Variants in LRRTM4 observed in about 807,000 individuals in gnomAD.
The protein encoded by LRRTM4 is leucine rich repeat transmembrane neuronal 4.
A neutral mutation model predicts 47.6 loss-of-function variants in LRRTM4; 25 were observed. The observed-to-expected ratio is 0.53, with a 90% confidence interval of 0.38 to 0.73. LRRTM4 has a LOEUF of 0.73. Ranked by LOEUF, LRRTM4 falls within the 30% of genes least tolerant of loss-of-function variation. LRRTM4 has a pLI of 0.00. For missense variants in LRRTM4, 638 were observed against 713.4 expected (o/e 0.89, Z 1.20); for synonymous variants, 311 against 269.5 (o/e 1.15, Z -1.51).
intron 3 of LRRTM4, among the ~76,000 whole-genome samples, chr2:77,425,152 C>CT (rs1183719069): frequency 6.8e-6 from 1 of 146,474 alleles, no homozygotes; most frequent in Non-Finnish European, 1.5e-5. Context: ...AGTTTTTCTT[C>CT]TATATTTTAT....
chr2:76,953,194 A>G (rs1178552060), intron 3 of LRRTM4, among the ~76,000 whole-genome samples: 1 of 151,892 alleles, frequency 6.6e-6, no homozygotes, highest in Admixed American at 6.6e-5. Context: ...ATACCTGGAA[A>G]AAAAGAAAAA....
At chr2:77,278,593 C>T (rs1676428290) in intron 3 of LRRTM4, among the ~76,000 whole-genome samples, 1 of 151,578 alleles carries the variant, frequency 6.6e-6, no homozygotes, top group Non-Finnish European at 1.5e-5. Context: ...GAAGAATTGG[C>T]AAGAAAAATT....
intron 3 of LRRTM4, among the ~76,000 whole-genome samples, chr2:77,457,459 A>G (rs1377366358): frequency 6.6e-6 from 1 of 152,048 alleles, no homozygotes; most frequent in African/African-American, 2.4e-5. Context: ...CAGATGGGCT[A>G]CAAGAGAACT....
chr2:77,169,119 T>C (rs953414564), intron 3 of LRRTM4, among the ~76,000 whole-genome samples: 4 of 152,118 alleles, frequency 2.6e-5, no homozygotes, highest in Admixed American at 6.6e-5. Context: ...GCAGCTAAAA[T>C]ATTAAATGGG....
At chr2:77,362,137 G>GAAAAGAAAGAAAGAAAGA (rs199907455) in intron 3 of LRRTM4, among the ~76,000 whole-genome samples, 1 of 131,336 alleles carries the variant, frequency 7.6e-6, no homozygotes, top group Non-Finnish European at 1.7e-5. Context: ...AAGAAAGAAA[G>GAAAAGAAAGAAAGAAAGA]AAAGAAAGAA....
At chr2:77,201,861 T>A (rs538833361) in intron 3 of LRRTM4, among the ~76,000 whole-genome samples, 1 of 152,262 alleles carries the variant, frequency 6.6e-6, no homozygotes, top group Admixed American at 6.5e-5. Context: ...TGATTTTTCA[T>A]AATGCTTCTT....
intron 3 of LRRTM4, among the ~76,000 whole-genome samples, chr2:77,413,392 A>G (rs1674514744): frequency 6.8e-6 from 1 of 147,858 alleles, no homozygotes; most frequent in Admixed American, 6.6e-5. Flanking sequence ...TAGCTGTAGC[A>G]GTCCCAACCT....
At chr2:77,444,958 C>CACACACACACAA (rs1558746637) in intron 3 of LRRTM4, among the ~76,000 whole-genome samples, 4 of 143,836 alleles carry the variant, frequency 2.8e-5, no homozygotes, top group African/African-American at 1.1e-4. Context: ...CATACACACA[C>CACACACACACAA]ACACACACAC....
chr2:77,146,683 A>G lies in LRRTM4; in HGVS notation c.1551+371635T>C, dbSNP rs559010092. Among the ~76,000 whole-genome samples, 3 of 152,312 alleles carry G rather than the reference A, an allele frequency of 2.0e-5. No homozygotes were observed. The East Asian group carries it at 5.8e-4, about 29-fold the overall frequency. On this transcript the variant is annotated intron_variant, in intron 3 of 3. Coordinates refer to ENST00000409884, the MANE Select transcript of LRRTM4 (RefSeq NM_001134745.3). Reference sequence around the variant, plus strand: ...GAAATGCAGATATTCCAGAAAATTAAACATATGTTTCACTAACATTTTGCT... The same window carrying G: ...GAAATGCAGATATTCCAGAAAATTAGACATATGTTTCACTAACATTTTGCT...
At chr2:77,145,156 C>T (rs1411246957) in intron 3 of LRRTM4, among the ~76,000 whole-genome samples, 2 of 151,094 alleles carry the variant, frequency 1.3e-5, no homozygotes, top group African/African-American at 4.9e-5. Flanking sequence ...CACATTTATA[C>T]AAGGAAAAAC....
At chr2:77,198,888 A>C (rs1256047989) in intron 3 of LRRTM4, among the ~76,000 whole-genome samples, 1 of 152,216 alleles carries the variant, frequency 6.6e-6, no homozygotes, top group East Asian at 1.9e-4. Flanking sequence ...TGCATATATT[A>C]TTTTCTTATT....
chr2:76,866,924 A>G (rs1672485804), intron 3 of LRRTM4, among the ~76,000 whole-genome samples: 1 of 152,238 alleles, frequency 6.6e-6, no homozygotes, highest in African/African-American at 2.4e-5. Context: ...TTGCAGGGAC[A>G]TGGATGAAGC....
rs1482009926 is a variant in LRRTM4, at chr2:77,329,318, T to C, written c.1551+189000A>G. ...ATTCAGCAGATATTTAGTGAATGCC[T>C]AATGTGTGCTGGGCTAGGAATCCTT... is the stretch of plus-strand genomic sequence containing the variant. On this transcript the variant is annotated intron_variant, in intron 3 of 3. Transcript: ENST00000409884. Among the ~76,000 whole-genome samples, 2 of 152,322 alleles carry C rather than the reference T, an allele frequency of 1.3e-5. 1 individual carries two copies. Among genetic ancestry groups the C allele is most frequent in the Middle Eastern group, 6.8e-3 (2 of 294 alleles).
intron 3 of LRRTM4, among the ~76,000 whole-genome samples, chr2:76,768,292 C>G (rs1459328660): frequency 6.6e-6 from 1 of 152,132 alleles, no homozygotes; most frequent in Non-Finnish European, 1.5e-5. Context: ...CTTCTTCTAT[C>G]TATTTTTCAC....
intron 3 of LRRTM4, among the ~76,000 whole-genome samples, chr2:77,198,801 T>C (rs1673895702): frequency 2.0e-5 from 3 of 152,222 alleles, no homozygotes; most frequent in African/African-American, 7.2e-5. Context: ...CCTCCTTGCC[T>C]ACTTAGGCAA....
intron 3 of LRRTM4, among the ~76,000 whole-genome samples, chr2:77,305,669 G>A (rs753857211): frequency 7.9e-5 from 12 of 151,934 alleles, no homozygotes; most frequent in East Asian, 3.9e-4. Context: ...TCAAATCGTT[G>A]CTTTGTTATA....
intron 3 of LRRTM4, among the ~76,000 whole-genome samples, chr2:77,402,890 A>G (rs1674015080): frequency 6.6e-6 from 1 of 152,030 alleles, no homozygotes; most frequent in Non-Finnish European, 1.5e-5. Context: ...TCTATACTTG[A>G]AAATCTGCCA....
At chr2:76,925,899 A>G (rs556000839) in intron 3 of LRRTM4, among the ~76,000 whole-genome samples, 1 of 152,272 alleles carries the variant, frequency 6.6e-6, no homozygotes, top group South Asian at 2.1e-4. Context: ...TAAAAAGAGT[A>G]AAACATTTAA....
At chr2:77,093,946 C>T (rs998106112) in intron 3 of LRRTM4, among the ~76,000 whole-genome samples, 13 of 150,596 alleles carry the variant, frequency 8.6e-5, no homozygotes, top group African/African-American at 2.0e-4. Flanking sequence ...AGAACAAACC[C>T]GCTTTGACTG....
Sources: allele counts gnomAD v4.1 joint callset (sites outside exome capture counted in the v4.1 genomes callset), GRCh38; gene constraint gnomAD v4.1.1; transcripts MANE v1.5; gene names NCBI Gene and HGNC (gene_info 2026-07-23, HGNC 2026-07-21).